Variants in CCBE1 observed in about 807,000 individuals in gnomAD.
CCBE1 encodes the protein collagen and calcium-binding EGF domain-containing protein 1.
CCBE1 carries 37 observed loss-of-function variants against 50.0 expected under a neutral mutation model. That is an observed-to-expected ratio of 0.74 (90% confidence interval 0.57 to 0.97). The LOEUF (loss-of-function observed/expected upper bound fraction) is 0.97, where lower values mean the gene tolerates loss of function less well. CCBE1 is among the 50% of genes least tolerant of loss of function. CCBE1 has a pLI of 0.00. For missense variants in CCBE1, 538 were observed against 523.8 expected (o/e 1.03, Z -0.26); for synonymous variants, 234 against 203.7 (o/e 1.15, Z -1.27).
intron 2 of CCBE1, among the ~76,000 whole-genome samples, chr18:59,644,397 G>A (rs989789838): frequency 1.3e-5 from 2 of 152,138 alleles, no homozygotes; most frequent in Non-Finnish European, 2.9e-5. Context: ...CTATTGATTC[G>A]ATGTGTAAGT....
intron 2 of CCBE1, among the ~76,000 whole-genome samples, chr18:59,616,896 C>T (rs565120925): frequency 2.0e-5 from 3 of 152,286 alleles, no homozygotes; most frequent in Admixed American, 2.0e-4. Context: ...GTCAGTTCAT[C>T]ACTCCAGACT....
intron 2 of CCBE1, among the ~76,000 whole-genome samples, chr18:59,589,893 A>G (rs1269958733): frequency 6.6e-6 from 1 of 152,054 alleles, no homozygotes; most frequent in African/African-American, 2.4e-5. Flanking sequence ...TAGGAAACGT[A>G]TCAATATAAC....
chr18:59,692,870 G>A (rs537924728), intron 2 of CCBE1, among the ~76,000 whole-genome samples: 1 of 116,162 alleles, frequency 8.6e-6, no homozygotes, highest in Admixed American at 1.1e-4. Context: ...TCCACGTGGA[G>A]TTCCATGAAC....
intron 2 of CCBE1, among the ~76,000 whole-genome samples, chr18:59,633,044 T>C (rs1311566760): frequency 1.3e-5 from 2 of 152,194 alleles, no homozygotes; most frequent in African/African-American, 4.8e-5. Flanking sequence ...AGTGATTTAA[T>C]TAGTAAGAGG....
intron 2 of CCBE1, among the ~76,000 whole-genome samples, chr18:59,583,268 AAACAAAAC>A (rs1254752312): frequency 1.3e-5 from 2 of 151,000 alleles, no homozygotes; most frequent in Non-Finnish European, 3.0e-5. Flanking sequence ...AAAAACAAAC[AAACAAAAC>A]AAACAAAAAA....
intron 2 of CCBE1, among the ~76,000 whole-genome samples, chr18:59,646,489 G>A (rs889494138): frequency 6.6e-6 from 1 of 152,146 alleles, no homozygotes; most frequent in African/African-American, 2.4e-5. Flanking sequence ...GGTGAGAGAC[G>A]GATGAGGGTC....
chr18:59,591,694 A>C (rs1302296932), intron 2 of CCBE1, among the ~76,000 whole-genome samples: 1 of 152,184 alleles, frequency 6.6e-6, no homozygotes, highest in Non-Finnish European at 1.5e-5. Context: ...ACACTCATAC[A>C]TTGCTGGTGG....
At chr18:59,685,821 G>C (rs1351081648) in intron 2 of CCBE1, 1 of 152,242 alleles carries the variant, frequency 6.6e-6, no homozygotes, top group Non-Finnish European at 1.5e-5. Flanking sequence ...GTGACGATTA[G>C]GACCGTGCTT....
At chr18:59,436,743 T>A (rs572150773) in intron 10 of CCBE1, among the ~76,000 whole-genome samples, 1 of 152,068 alleles carries the variant, frequency 6.6e-6, no homozygotes, top group Admixed American at 6.5e-5. Context: ...CCGAGGTGGA[T>A]GGATAGCTTG....
chr18:59,448,211 T>C (rs1377165137), intron 6 of CCBE1, 108 bp from the exon 7 acceptor site: 2 of 1,475,754 alleles, frequency 1.4e-6, no homozygotes, highest in East Asian at 2.4e-5. Context: ...CATATGTATA[T>C]ACTTTTTACT....
intron 3 of CCBE1, among the ~76,000 whole-genome samples, chr18:59,473,515 G>A (rs2143746906): frequency 6.6e-6 from 1 of 152,166 alleles, no homozygotes; most frequent in East Asian, 1.9e-4. Flanking sequence ...CTCCCTCTGT[G>A]TGGAATTTTA....
chr18:59,452,697 C>A (rs1415786618), intron 6 of CCBE1, among the ~76,000 whole-genome samples: 2 of 152,330 alleles, frequency 1.3e-5, no homozygotes, highest in South Asian at 4.1e-4. Flanking sequence ...ACGGTTATTG[C>A]ACCTCTCTAA....
chr18:59,555,390 T>TC, intron 2 of CCBE1, among the ~76,000 whole-genome samples: 1 of 152,316 alleles, frequency 6.6e-6, no homozygotes, highest in Admixed American at 6.5e-5. Context: ...TGCTGTCTCT[T>TC]CCAGTTGTGT....
intron 2 of CCBE1, among the ~76,000 whole-genome samples, chr18:59,692,439 A>G (rs2054744828): frequency 6.6e-6 from 1 of 152,168 alleles, no homozygotes; most frequent in Admixed American, 6.5e-5. Flanking sequence ...ACACTGGAGC[A>G]AAGAGTTTAT....
intron 2 of CCBE1, among the ~76,000 whole-genome samples, chr18:59,505,673 T>A (rs1913837731): frequency 6.6e-6 from 1 of 152,244 alleles, no homozygotes; most frequent in Admixed American, 6.5e-5. Flanking sequence ...AACAAAATAG[T>A]CATTTAGTAT....
At chr18:59,503,807 C>T (rs1029579569) in intron 2 of CCBE1, among the ~76,000 whole-genome samples, 2 of 152,196 alleles carry the variant, frequency 1.3e-5, no homozygotes, top group African/African-American at 4.8e-5. Flanking sequence ...AGGACTTTAT[C>T]TTCCCATCAT....
chr18:59,516,102 G>A (rs961628605), intron 2 of CCBE1, among the ~76,000 whole-genome samples: 2 of 152,174 alleles, frequency 1.3e-5, no homozygotes, highest in African/African-American at 4.8e-5. Flanking sequence ...GGGATTGCAT[G>A]CATGTCCCAC....
intron 2 of CCBE1, among the ~76,000 whole-genome samples, chr18:59,665,363 C>A (rs1203441645): frequency 6.6e-6 from 1 of 152,166 alleles, no homozygotes; most frequent in Non-Finnish European, 1.5e-5. Context: ...CAGTGATTAA[C>A]AGCCAGGCTA....
Position 59,553,115 on chromosome 18 carries a change from C to T in CCBE1, c.213-72877G>A, listed in dbSNP as rs150333340. ...GCCTGTGTACAGAAGGTTGCCCATC[C>T]TAATCTTGAGATCATTAGGACAGCA... On this transcript the variant is annotated intron_variant, in intron 2 of 10. Coordinates refer to ENST00000439986, the MANE Select transcript of CCBE1 (RefSeq NM_133459.4). 3.7e-4 allele frequency among the ~76,000 whole-genome samples: 57 copies of T among 152,302 alleles called. 1 individual carries two copies. The East Asian group carries it at 0.01, about 28-fold the overall frequency.
Sources: allele counts gnomAD v4.1 joint callset (sites outside exome capture counted in the v4.1 genomes callset), GRCh38; gene constraint gnomAD v4.1.1; transcripts MANE v1.5; gene names NCBI Gene and HGNC (gene_info 2026-07-23, HGNC 2026-07-21).